Variants in MALRD1 observed in about 807,000 individuals in gnomAD.
The protein encoded by MALRD1 is MAM and LDL-receptor class A domain-containing protein 1.
A neutral mutation model predicts 242.1 loss-of-function variants in MALRD1; 247 were observed. The ratio of observed to expected loss-of-function variants is 1.02; its 90% CI spans 0.92 to 1.13. The LOEUF (loss-of-function observed/expected upper bound fraction) is 1.13. Among genes scored for constraint, MALRD1 ranks in the 50% most tolerant of loss-of-function variants. The pLI is 0.00. For missense variants in MALRD1, 2,989 were observed against 2,533.1 expected (o/e 1.18, Z -3.86); for synonymous variants, 995 against 866.6 (o/e 1.15, Z -2.60).
intron 39 of MALRD1, among the ~76,000 whole-genome samples, chr10:19,732,885 C>T (rs922920884): frequency 2.6e-5 from 4 of 152,054 alleles, no homozygotes; most frequent in African/African-American, 9.7e-5. Context: ...TTGAGAGCAC[C>T]TCAGAAGTGA....
intron 24 of MALRD1, among the ~76,000 whole-genome samples, chr10:19,336,317 G>T (rs1433125275): frequency 6.6e-6 from 1 of 152,080 alleles, no homozygotes; most frequent in East Asian, 1.9e-4. Context: ...TTACGGATGA[G>T]ACACAATTCA....
At chr10:19,216,951 AAAAAAAAT>A (rs1837343612) in intron 18 of MALRD1, among the ~76,000 whole-genome samples, 1 of 113,940 alleles carries the variant, frequency 8.8e-6, no homozygotes, top group Admixed American at 1.0e-4. Context: ...GTCTCAAAAA[AAAAAAAAT>A]AAAAATAAAA....
At chr10:19,417,736 T>C (rs1266262508) in intron 28 of MALRD1, among the ~76,000 whole-genome samples, 1 of 152,184 alleles carries the variant, frequency 6.6e-6, no homozygotes, top group Non-Finnish European at 1.5e-5. Context: ...ATCATTCATT[T>C]TTAGGTACAC....
chr10:19,181,103 C>A (rs1835484111), intron 14 of MALRD1, among the ~76,000 whole-genome samples: 1 of 152,074 alleles, frequency 6.6e-6, no homozygotes, highest in South Asian at 2.1e-4. Context: ...AGTACTCATA[C>A]TGTTGGTGCA....
At chr10:19,285,465 A>G (rs1046906482) in intron 21 of MALRD1, among the ~76,000 whole-genome samples, 3 of 151,516 alleles carry the variant, frequency 2.0e-5, no homozygotes, top group Non-Finnish European at 4.4e-5. Context: ...TCAGCTTTCT[A>G]CATATGGCTA....
intron 36 of MALRD1, among the ~76,000 whole-genome samples, chr10:19,664,516 A>G (rs967059519): frequency 6.6e-6 from 1 of 151,932 alleles, no homozygotes; most frequent in Non-Finnish European, 1.5e-5. Context: ...TGTTAATTCA[A>G]TTTAATGGCC....
chr10:19,140,621 GA>G (rs1335080927), intron 10 of MALRD1, among the ~76,000 whole-genome samples: 4 of 151,204 alleles, frequency 2.6e-5, no homozygotes, highest in East Asian at 1.9e-4. Context: ...CAATAATGAA[GA>G]AAAAAACTTC....
At chr10:19,105,784 T>C (rs1205936211) in intron 5 of MALRD1, among the ~76,000 whole-genome samples, 2 of 152,024 alleles carry the variant, frequency 1.3e-5, no homozygotes, top group Non-Finnish European at 2.9e-5. Flanking sequence ...GGATGAATGA[T>C]GCTGATAATT....
At chr10:19,664,027 A>G (rs1841564148) in intron 36 of MALRD1, among the ~76,000 whole-genome samples, 1 of 152,092 alleles carries the variant, frequency 6.6e-6, no homozygotes, top group South Asian at 2.1e-4. Context: ...ACAAGAGGGA[A>G]TTCATCCCTA....
chr10:19,200,524 T>C (rs1031016569), intron 14 of MALRD1, among the ~76,000 whole-genome samples: 2 of 152,144 alleles, frequency 1.3e-5, no homozygotes, highest in African/African-American at 4.8e-5. Context: ...ACTTCATGTT[T>C]ATTCCTTACC....
At chr10:19,183,598 T>C (rs1346062207) in intron 14 of MALRD1, among the ~76,000 whole-genome samples, 3 of 152,198 alleles carry the variant, frequency 2.0e-5, no homozygotes, top group African/African-American at 7.2e-5. Flanking sequence ...CTTTCTTTTT[T>C]ACATGAGACT....
At position 19,450,319 on chromosome 10, in the gene MALRD1, C is replaced by G. The variant is rs1319726783; in HGVS notation, c.4858C>G (p.Leu1620Val). The change falls in exon 29 of 40, where the codon CTA becomes GTA. Residue 1620 changes from leucine (L) to valine (V), a missense_variant. Transcript: ENST00000454679. The part of the protein sequence containing the change: ...IQILIKTEKG[L>V]SKVWQESKQN... Reference sequence around the variant, plus strand: ...TCTTTACTTTCAGACAGAGAAAGGACTATCAAAAGTATGGCAAGAAAGTAA... The same window carrying G: ...TCTTTACTTTCAGACAGAGAAAGGAGTATCAAAAGTATGGCAAGAAAGTAA... 1 of 1,547,940 alleles carries G rather than the reference C, an allele frequency of 6.5e-7. No homozygotes were observed. The highest frequency in any genetic ancestry group is 8.7e-7 in the Non-Finnish European group (1 of 1,146,578).
intron 31 of MALRD1, among the ~76,000 whole-genome samples, chr10:19,530,408 T>A (rs145617975): frequency 0.65 from 45,851 of 70,122 alleles, 14,500 homozygotes; most frequent in Non-Finnish European, 0.73. Flanking sequence ...ATATTATATA[T>A]TTATATAATA....
At chr10:19,098,406 A>C (rs935214526) in intron 4 of MALRD1, among the ~76,000 whole-genome samples, 1 of 152,220 alleles carries the variant, frequency 6.6e-6, no homozygotes, top group Non-Finnish European at 1.5e-5. Flanking sequence ...AGAATTTATT[A>C]ATAAAGACAA....
chr10:19,237,926 A>G (rs183733669), intron 18 of MALRD1, among the ~76,000 whole-genome samples: 1 of 22,368 alleles, frequency 4.5e-5, no homozygotes, highest in Non-Finnish European at 6.6e-5. Flanking sequence ...ATATAATTAT[A>G]TGTAATTTTA....
intron 7 of MALRD1, among the ~76,000 whole-genome samples, chr10:19,125,798 C>G (rs1353723168): frequency 6.6e-6 from 1 of 151,814 alleles, no homozygotes; most frequent in Non-Finnish European, 1.5e-5. Flanking sequence ...GTTTTAAAGT[C>G]AATATCTTGT....
intron 14 of MALRD1, among the ~76,000 whole-genome samples, chr10:19,199,107 T>C (rs1432352906): frequency 6.6e-6 from 1 of 152,116 alleles, no homozygotes; most frequent in Non-Finnish European, 1.5e-5. Context: ...GCCAACATAC[T>C]AGAATACTCA....
chr10:19,528,065 A>T (rs1834181037), intron 31 of MALRD1, among the ~76,000 whole-genome samples: 1 of 152,196 alleles, frequency 6.6e-6, no homozygotes, highest in Non-Finnish European at 1.5e-5. Context: ...AACAAGCCGT[A>T]TTTTTGGAAC....
At chr10:19,724,038 A>G (rs957041119) in intron 38 of MALRD1, among the ~76,000 whole-genome samples, 2 of 152,234 alleles carry the variant, frequency 1.3e-5, no homozygotes, top group Non-Finnish European at 1.5e-5. Context: ...AGCCTGGACA[A>G]CAGAGTGAGA....
Sources: allele counts gnomAD v4.1 joint callset (sites outside exome capture counted in the v4.1 genomes callset), GRCh38; gene constraint gnomAD v4.1.1; transcripts MANE v1.5; gene names NCBI Gene and HGNC (gene_info 2026-07-23, HGNC 2026-07-21).